Variants in CCDC138 observed in about 807,000 individuals in gnomAD.
CCDC138 encodes the protein coiled-coil domain containing 138, also known as coiled-coil domain-containing protein 138.
A neutral mutation model predicts 82.3 loss-of-function variants in CCDC138; 66 were observed. That is an observed-to-expected ratio of 0.80 (90% CI 0.66 to 0.98). CCDC138 has a LOEUF of 0.98. Among genes scored for constraint, CCDC138 ranks in the 50% least tolerant of loss-of-function variants. The probability of loss-of-function intolerance (pLI) is 0.00; values close to 1 mark genes in which losing one functional copy is unlikely to be tolerated. For missense variants in CCDC138, 816 were observed against 758.9 expected (o/e 1.08, Z -0.88); for synonymous variants, 297 against 265.4 (o/e 1.12, Z -1.16).
intron 13 of CCDC138, among the ~76,000 whole-genome samples, chr2:108,862,100 A>T (rs548560003): frequency 1.4e-5 from 2 of 140,036 alleles, no homozygotes; most frequent in Non-Finnish European, 3.1e-5. Context: ...TTATTTGTTG[A>T]GACTTTCCTG....
chr2:108,856,221 C>T (rs115848847), intron 12 of CCDC138, among the ~76,000 whole-genome samples: 2,814 of 152,234 alleles, frequency 0.018, 100 homozygotes, highest in African/African-American at 0.066. Flanking sequence ...CAGCACTGGC[C>T]TGGGTAAAAT....
At chr2:108,872,014 G>A (rs566197553) in intron 13 of CCDC138, among the ~76,000 whole-genome samples, 47 of 152,002 alleles carry the variant, frequency 3.1e-4, no homozygotes, top group Non-Finnish European at 5.1e-4. Flanking sequence ...CACGTACTTT[G>A]CCCTACTTCC....
chr2:108,881,271 T>G (rs528088099), downstream of CCDC138, among the ~76,000 whole-genome samples: 1 of 152,348 alleles, frequency 6.6e-6, no homozygotes, highest in South Asian at 2.1e-4. Flanking sequence ...ATTTCTTTCC[T>G]AAAACCTCAT....
intron 13 of CCDC138, among the ~76,000 whole-genome samples, chr2:108,857,616 C>T (rs981944102): frequency 9.2e-5 from 14 of 152,176 alleles, no homozygotes; most frequent in African/African-American, 1.4e-4. Flanking sequence ...ATTTTATCAA[C>T]GTTTTTAGCT....
rs555758005 is a variant in CCDC138, at chr2:108,842,956, A to C, written c.1323+3655A>C. Among the ~76,000 whole-genome samples the C allele has an allele frequency of 6.7e-5, 10 of 149,918 alleles. No homozygotes were observed. The South Asian group carries it at 2.1e-3, about 31-fold the overall frequency. On this transcript the variant is annotated intron_variant, in intron 11 of 14. Transcript: ENST00000295124. Reference sequence around the variant, plus strand: ...TTAACCTTTTCTGTATACGCTTAGAACCACATTAGAGAATGTTACCATTTT... The same window carrying C: ...TTAACCTTTTCTGTATACGCTTAGACCCACATTAGAGAATGTTACCATTTT...
rs563451422 is a variant in CCDC138, at chr2:108,787,165, A to C, written c.93+250A>C. Among the ~76,000 whole-genome samples, 3 of 152,306 alleles carry C rather than the reference A, an allele frequency of 2.0e-5. No homozygotes were observed. In the East Asian group the frequency reaches 5.8e-4, roughly 29 times the overall value. On this transcript the variant is annotated intron_variant, in intron 1 of 14. Coordinates refer to ENST00000295124, the MANE Select transcript of CCDC138 (RefSeq NM_144978.3). Reference sequence around the variant, plus strand: ...ACTGGGCATGGTGTGGTGTTGGAGAAAGTGCTATTCAGCTTTTTTTTGCAG... The same window carrying C: ...ACTGGGCATGGTGTGGTGTTGGAGACAGTGCTATTCAGCTTTTTTTTGCAG...
At chr2:108,789,879 T>C (rs1679610017) in intron 3 of CCDC138, among the ~76,000 whole-genome samples, 2 of 152,176 alleles carry the variant, frequency 1.3e-5, no homozygotes, top group Admixed American at 6.5e-5. Flanking sequence ...TATTTAATGC[T>C]AAAAATATGT....
chr2:108,854,020 A>AAATTTATATTATATATAATATAT (rs1692154264), intron 12 of CCDC138, among the ~76,000 whole-genome samples: 1 of 113,504 alleles, frequency 8.8e-6, no homozygotes, highest in South Asian at 2.3e-4. Context: ...AATATATAAT[A>AAATTTATATTATATATAATATAT]AATTTATATT....
At chr2:108,880,052 T>C (rs1696245961), downstream of CCDC138, among the ~76,000 whole-genome samples, 1 of 152,018 alleles carries the variant, frequency 6.6e-6, no homozygotes. Flanking sequence ...AGGCCAGACA[T>C]GATAAGAAAC....
chr2:108,868,489 C>T (rs749941300), intron 13 of CCDC138, among the ~76,000 whole-genome samples: 2 of 152,144 alleles, frequency 1.3e-5, no homozygotes, highest in Non-Finnish European at 2.9e-5. Flanking sequence ...TGGGTTGGCT[C>T]CCCCATCATC....
intron 9 of CCDC138, among the ~76,000 whole-genome samples, chr2:108,814,874 G>T (rs1418977856): frequency 6.6e-6 from 1 of 151,842 alleles, no homozygotes; most frequent in Non-Finnish European, 1.5e-5. Context: ...GACCTCTGGT[G>T]ATCCACCTGC....
chr2:108,786,953 C>T, intron 1 of CCDC138, 38 bp downstream of exon 1: 1 of 1,401,306 alleles, frequency 7.1e-7, no homozygotes, highest in Non-Finnish European at 9.5e-7. Flanking sequence ...TGGGCTCCTG[C>T]TGCTGGGGGG....
chr2:108,850,137 C>T (rs1238831607), intron 12 of CCDC138, among the ~76,000 whole-genome samples: 1 of 152,080 alleles, frequency 6.6e-6, no homozygotes, highest in Non-Finnish European at 1.5e-5. Context: ...GTTAAATATA[C>T]TGAAAAAAAT....
intron 10 of CCDC138, among the ~76,000 whole-genome samples, chr2:108,818,232 G>T (rs922377856): frequency 6.6e-6 from 1 of 152,082 alleles, no homozygotes; most frequent in Non-Finnish European, 1.5e-5. Flanking sequence ...CCTGAACCTG[G>T]GGGGGTCGAG....
At chr2:108,836,164 A>G (rs1191394784) in intron 10 of CCDC138, among the ~76,000 whole-genome samples, 1 of 151,880 alleles carries the variant, frequency 6.6e-6, no homozygotes. Flanking sequence ...ACAACTCCCC[A>G]TTTCACCTAC....
At chr2:108,875,285 A>G (rs546659650) in intron 14 of CCDC138, among the ~76,000 whole-genome samples, 6 of 150,752 alleles carry the variant, frequency 4.0e-5, no homozygotes, top group Admixed American at 3.3e-4. Flanking sequence ...TAACCTGCAC[A>G]ATGTGCACAT....
Position 108,839,246 on chromosome 2 carries a change from A to G in CCDC138, c.1268A>G (p.Glu423Gly). 6.2e-7 allele frequency: 1 copy of G among 1,612,910 alleles called. No homozygotes were observed. Among genetic ancestry groups the G allele is most frequent in the Non-Finnish European group, 8.5e-7 (1 of 1,179,346 alleles). Residue 423 changes from glutamate to glycine, a missense_variant, in exon 11 of 15, where the codon GAG becomes GGG. Glu to Gly is a moderately conservative substitution (Grantham distance 98). Coordinates refer to ENST00000295124, the MANE Select transcript of CCDC138 (RefSeq NM_144978.3). ...CCATTTGTGAATATCAAACTTCACG[A>G]GCCTTTTGTAAAATTTATATATTGG... is the stretch of plus-strand genomic sequence containing the variant. ...WMPFVNIKLH[E>G]PFVKFIYWSL...
intron 10 of CCDC138, among the ~76,000 whole-genome samples, chr2:108,817,567 A>T (rs564378037): frequency 6.6e-6 from 1 of 152,318 alleles, no homozygotes; most frequent in East Asian, 1.9e-4. Flanking sequence ...CTGGGATTAC[A>T]GGCATGAGCC....
At chr2:108,820,449 C>CT (rs1685488080) in intron 10 of CCDC138, among the ~76,000 whole-genome samples, 1 of 151,938 alleles carries the variant, frequency 6.6e-6, no homozygotes, top group Non-Finnish European at 1.5e-5. Context: ...CCAAACTTTC[C>CT]TTTTTTTGAG....
Sources: allele counts gnomAD v4.1 joint callset (sites outside exome capture counted in the v4.1 genomes callset), GRCh38; gene constraint gnomAD v4.1.1; transcripts MANE v1.5; gene names NCBI Gene and HGNC (gene_info 2026-07-23, HGNC 2026-07-21).